METTL2A: variants seen among roughly 807,000 people sequenced by gnomAD.
METTL2A encodes tRNA N(3)-cytidine methyltransferase METTL2A.
A neutral mutation model predicts 49.4 loss-of-function variants in METTL2A; 45 were observed. The observed-to-expected ratio is 0.91, with a 90% CI of 0.72 to 1.17. The LOEUF (loss-of-function observed/expected upper bound fraction) is 1.17, where lower values mean the gene tolerates loss of function less well. Ranked by LOEUF, METTL2A falls within the 50% of genes most tolerant of loss-of-function variation. The pLI is 0.00. For synonymous variants in METTL2A, 118 were observed against 167.5 expected (o/e 0.70, Z 2.28); for missense variants, 361 against 462.2 (o/e 0.78, Z 2.01).
chr17:62,452,419 C>T lies in METTL2A; in HGVS notation c.*3690C>T. On this transcript the variant is annotated 3_prime_UTR_variant, in exon 9 of 9. Coordinates refer to ENST00000311506, the MANE Select transcript of METTL2A (RefSeq NM_181725.4). ...AGGGAAGTGCTTTGAGACTAAATAT[C>T]CTGTTCCTCATCAAACTTCTACCCC... Among the ~76,000 whole-genome samples the T allele has an allele frequency of 6.6e-6, 1 of 152,148 alleles. No homozygotes were observed. The highest frequency in any genetic ancestry group is 1.5e-5 in the Non-Finnish European group (1 of 68,032).
chr17:62,447,186 C>A (rs780083847), intron 7 of METTL2A, among the ~76,000 whole-genome samples: 15 of 151,930 alleles, frequency 9.9e-5, no homozygotes, highest in Non-Finnish European at 1.2e-4. Flanking sequence ...TGGGAGGCCA[C>A]GGTGGGTGGA....
chr17:62,432,733 C>T lies in METTL2A; in HGVS notation c.609-2499C>T, dbSNP rs531222170. On this transcript the variant is annotated intron_variant, in intron 4 of 8. Coordinates refer to ENST00000311506, the MANE Select transcript of METTL2A (RefSeq NM_181725.4). ...AGGAGAATGGCGTGAACCTGGGAGG[C>T]GGAGCTTGCAGTGAGCGGAGATTGC... is the stretch of plus-strand genomic sequence containing the variant. Among the ~76,000 whole-genome samples the T allele has an allele frequency of 6.6e-5, 10 of 151,748 alleles. No homozygotes were observed. The East Asian group carries it at 1.6e-3, about 24-fold the overall frequency.
At chr17:62,438,487 CAGG>C in intron 5 of METTL2A, among the ~76,000 whole-genome samples, 1 of 148,130 alleles carries the variant, frequency 6.8e-6, no homozygotes, top group African/African-American at 2.5e-5. Flanking sequence ...GAGGCTGAGG[CAGG>C]AGAATTGCTT....
chr17:62,450,298 T>G lies in METTL2A; in HGVS notation c.*1569T>G. 1 of 145,150 alleles carries G rather than the reference T, an allele frequency of 6.9e-6. No individual in the cohort carries two copies. Among genetic ancestry groups the G allele is most frequent in the South Asian group, 2.2e-4 (1 of 4,478 alleles). 9.0% of individuals were successfully genotyped at this position (145,150 alleles called of 1,614,324 possible). Reference sequence around the variant, plus strand: ...TTTTAAGGAGACAGGGCTCTCACTTTGTTGCCCAGGCTGGAGTTCAGTGGT... The same window carrying G: ...TTTTAAGGAGACAGGGCTCTCACTTGGTTGCCCAGGCTGGAGTTCAGTGGT... On this transcript the variant is annotated 3_prime_UTR_variant, in exon 9 of 9. Coordinates refer to ENST00000311506, the MANE Select transcript of METTL2A (RefSeq NM_181725.4).
At chr17:62,428,304 G>C (rs1366999239) in intron 4 of METTL2A, among the ~76,000 whole-genome samples, 1 of 152,204 alleles carries the variant, frequency 6.6e-6, no homozygotes, top group African/African-American at 2.4e-5. Flanking sequence ...GATGTCTCCT[G>C]TTCTGATGAA....
chr17:62,440,525 A>G (rs1466436686), intron 5 of METTL2A, 92 bp from the exon 6 acceptor site: 11 of 1,487,240 alleles, frequency 7.4e-6, no homozygotes, highest in Non-Finnish European at 9.0e-6. Flanking sequence ...GTGAAGTAGC[A>G]ACAGTTACAT....
At chr17:62,443,210 CTAAAAA>C (rs1245397326) in intron 6 of METTL2A, among the ~76,000 whole-genome samples, 2 of 152,068 alleles carry the variant, frequency 1.3e-5, no homozygotes, top group African/African-American at 4.8e-5. Flanking sequence ...GTTATCTCTA[CTAAAAA>C]TAAAAATAAA....
rs143498525 is a variant in METTL2A at position 62,449,767 on chromosome 17, C to T, written c.*1038C>T. Reference sequence around the variant, plus strand: ...CCATGGAATTTTAAGCATTGTTCCCCCTCTAACCTGTGTCTAAAGAATTAA... The same window carrying T: ...CCATGGAATTTTAAGCATTGTTCCCTCTCTAACCTGTGTCTAAAGAATTAA... On this transcript the variant is annotated 3_prime_UTR_variant, in exon 9 of 9. Transcript: ENST00000311506. 5.9e-6 allele frequency: 1 copy of T among 168,828 alleles called. No individual in the cohort carries two copies. Among genetic ancestry groups the T allele is most frequent in the African/African-American group, 2.4e-5 (1 of 41,466 alleles). The allele number at this position is 168,828 out of a possible 1,614,324, so 10.5% of individuals were successfully genotyped here.
At chr17:62,442,335 G>A (rs1469824531) in intron 6 of METTL2A, among the ~76,000 whole-genome samples, 1 of 151,754 alleles carries the variant, frequency 6.6e-6, no homozygotes, top group Non-Finnish European at 1.5e-5. Flanking sequence ...GAGTGCAGTG[G>A]TGAGATTTCA....
chr17:62,438,632 A>G (rs987552283), intron 5 of METTL2A, among the ~76,000 whole-genome samples: 1 of 151,714 alleles, frequency 6.6e-6, no homozygotes, highest in Non-Finnish European at 1.5e-5. Context: ...GTTAGGGCAG[A>G]TTAGGAATTG....
In METTL2A at chr17:62,452,240, G is replaced by T. The variant is rs1379149919; in HGVS notation, c.*3511G>T. ...TTCTTCATGATTTGGTTCAGGCTCTGCATTTTGGGCAGGAATATTCAGAGG... is the reference window on the plus strand; with the variant it reads ...TTCTTCATGATTTGGTTCAGGCTCTTCATTTTGGGCAGGAATATTCAGAGG... On this transcript the variant is annotated 3_prime_UTR_variant, in exon 9 of 9. Transcript: ENST00000311506. 6.6e-6 allele frequency among the ~76,000 whole-genome samples: 1 copy of T among 152,154 alleles called. No homozygotes were observed. The highest frequency in any genetic ancestry group is 1.5e-5 in the Non-Finnish European group (1 of 68,040).
intron 5 of METTL2A, among the ~76,000 whole-genome samples, chr17:62,438,518 G>A (rs1387533320): frequency 6.6e-6 from 1 of 150,432 alleles, no homozygotes; most frequent in South Asian, 2.1e-4. Flanking sequence ...GGAAGCAGAG[G>A]TTGCAGTGAG....
intron 6 of METTL2A, among the ~76,000 whole-genome samples, chr17:62,444,241 G>A (rs1009770580): frequency 2.6e-5 from 4 of 152,182 alleles, no homozygotes; most frequent in Non-Finnish European, 5.9e-5. Flanking sequence ...AGGACAGTGG[G>A]GAAGTGAGCC....
rs28423063 is a variant in METTL2A, at chr17:62,435,390, C to T, written c.669+98C>T. Reference sequence around the variant, plus strand: ...GTCTCTGGCTGTGTTCTTATACAGTCTGTGTTCTTACGGTCTAAAAGTAAA... The same window carrying T: ...GTCTCTGGCTGTGTTCTTATACAGTTTGTGTTCTTACGGTCTAAAAGTAAA... On this transcript the variant is annotated intron_variant, in intron 5 of 8. Transcript: ENST00000311506. 2.8e-3 allele frequency: 4,387 copies of T among 1,546,482 alleles called. 85 individuals carry two copies. The African/African-American group carries it at 0.048, about 17-fold the overall frequency.
intron 5 of METTL2A, among the ~76,000 whole-genome samples, chr17:62,437,333 C>T (rs2070707764): frequency 6.6e-6 from 1 of 152,012 alleles, no homozygotes; most frequent in South Asian, 2.1e-4. Flanking sequence ...TGTCATAGAA[C>T]CTAAGGGCAC....
Position 62,451,935 on chromosome 17 carries a change from C to T in METTL2A, c.*3206C>T, listed in dbSNP as rs2070808610. Among the ~76,000 whole-genome samples the T allele has an allele frequency of 6.6e-6, 1 of 150,578 alleles. No homozygotes were observed. The highest frequency in any genetic ancestry group is 2.5e-5 in the African/African-American group (1 of 40,770). On this transcript the variant is annotated 3_prime_UTR_variant, in exon 9 of 9. Coordinates refer to ENST00000311506, the MANE Select transcript of METTL2A (RefSeq NM_181725.4). ...ATTAGCTGGGCATGGTGGTGGGCGC[C>T]TGTAATCCCAGCTATTTGGGAGGGT...
At chr17:62,443,054 C>T (rs1002260232) in intron 6 of METTL2A, among the ~76,000 whole-genome samples, 16 of 152,126 alleles carry the variant, frequency 1.1e-4, no homozygotes, top group Non-Finnish European at 2.1e-4. Context: ...ACCCAAAAGG[C>T]CTACCATGGT....
In METTL2A at chr17:62,448,838, A is replaced by G; in HGVS notation, c.*109A>G. On this transcript the variant is annotated 3_prime_UTR_variant, in exon 9 of 9. Coordinates refer to ENST00000311506, the MANE Select transcript of METTL2A (RefSeq NM_181725.4). ...ATGCCTGTAATCCCAGCCACTCAGG[A>G]GGCTGAGGCGGGGAGGATCCATTGA... The G allele has an allele frequency of 4.6e-6, 7 of 1,512,124 alleles. No individual in the cohort carries two copies. Among genetic ancestry groups the G allele is most frequent in the Non-Finnish European group, 6.2e-6 (7 of 1,127,444 alleles). 93.7% of individuals were successfully genotyped at this position (1,512,124 alleles called of 1,614,324 possible).
At chr17:62,427,709 T>A in intron 3 of METTL2A, 79 bp from the exon 4 acceptor site, 1 of 1,604,290 alleles carries the variant, frequency 6.2e-7, no homozygotes, top group Non-Finnish European at 8.5e-7. Context: ...TCTTGTTGAT[T>A]ATTATTTTTC....
Sources: allele counts gnomAD v4.1 joint callset (sites outside exome capture counted in the v4.1 genomes callset), GRCh38; gene constraint gnomAD v4.1.1; transcripts MANE v1.5; gene names NCBI Gene and HGNC (gene_info 2026-07-23, HGNC 2026-07-21).